Variants in KYNU observed in about 807,000 individuals in gnomAD.
KYNU encodes kynureninase.
KYNU carries 54 observed loss-of-function variants against 59.2 expected under a neutral mutation model. That is an observed-to-expected ratio of 0.91 (90% CI 0.73 to 1.14). The LOEUF is 1.14. Ranked by LOEUF, KYNU falls within the 50% of genes most tolerant of loss-of-function variation. The pLI is 0.00. For synonymous variants in KYNU, 177 were observed against 192.0 expected, an observed-to-expected ratio of 0.92 and a Z score of 0.65; for missense variants, 567 against 554.4, an observed-to-expected ratio of 1.02 and a Z score of -0.23.
rs1261761388 is a variant in KYNU at position 143,007,283 on chromosome 2, G to A, written c.902+21262G>A. 6.7e-5 allele frequency among the ~76,000 whole-genome samples: 10 copies of A among 149,812 alleles called. 1 individual carries two copies. Among genetic ancestry groups the A allele is most frequent in the Non-Finnish European group, 1.0e-4 (7 of 67,946 alleles). On this transcript the variant is annotated intron_variant, in intron 10 of 13. Transcript: ENST00000264170. Reference sequence around the variant, plus strand: ...ATGCAGAAGCCTCAGGAACCGGTGCGATCAACTGGAAGAAAGGGTATCAGC... The same window carrying A: ...ATGCAGAAGCCTCAGGAACCGGTGCAATCAACTGGAAGAAAGGGTATCAGC...
chr2:142,888,110 A>C (rs748841508), intron 2 of KYNU, among the ~76,000 whole-genome samples: 1 of 152,206 alleles, frequency 6.6e-6, no homozygotes, highest in Admixed American at 6.5e-5. Flanking sequence ...TGATTCTTAA[A>C]GATAAGAGAT....
chr2:143,041,421 G>A (rs968342261), intron 13 of KYNU, among the ~76,000 whole-genome samples: 1 of 152,012 alleles, frequency 6.6e-6, no homozygotes, highest in Non-Finnish European at 1.5e-5. Flanking sequence ...CTATTGGCTT[G>A]AAATTTTCAT....
chr2:142,927,773 G>A (rs764818828), intron 4 of KYNU, 32 bp downstream of exon 4: 7 of 1,367,110 alleles, frequency 5.1e-6, no homozygotes, highest in Non-Finnish European at 5.2e-6. Context: ...TTTTCCAAAT[G>A]AATTGTAAAG....
intron 8 of KYNU, among the ~76,000 whole-genome samples, chr2:142,966,761 G>A (rs1456803274): frequency 6.6e-6 from 1 of 152,062 alleles, no homozygotes; most frequent in Non-Finnish European, 1.5e-5. Context: ...TTGTTCTAAA[G>A]AGAATGAAAA....
rs76344846 is a variant in KYNU at position 142,896,720 on chromosome 2, T to C, written c.169+11184T>C. 7.6e-3 allele frequency among the ~76,000 whole-genome samples: 1,159 copies of C among 152,248 alleles called. 7 individuals carry two copies. Among genetic ancestry groups the C allele is most frequent in the African/African-American group, 0.027 (1,110 of 41,542 alleles). On this transcript the variant is annotated intron_variant, in intron 2 of 13. Coordinates refer to ENST00000264170, the MANE Select transcript of KYNU (RefSeq NM_003937.3). ...CAGACTGGTCTTGAACTCCTGACTT[T>C]AAGATATCCTCCCACTTTGACCTCC...
chr2:143,026,749 CGCAG>C (rs749532393), intron 10 of KYNU, among the ~76,000 whole-genome samples: 36,322 of 127,386 alleles, frequency 0.29, 5,316 homozygotes, highest in African/African-American at 0.46. Flanking sequence ...GTCCGCAGTC[CGCAG>C]TCCGCAGTCC....
intron 8 of KYNU, among the ~76,000 whole-genome samples, chr2:142,970,502 G>T (rs945511035): frequency 6.6e-6 from 1 of 152,030 alleles, no homozygotes; most frequent in Non-Finnish European, 1.5e-5. Context: ...ATCTAAATGG[G>T]GCTATCTCCA....
chr2:142,982,610 A>G (rs1239601418), intron 8 of KYNU, among the ~76,000 whole-genome samples: 2 of 151,984 alleles, frequency 1.3e-5, no homozygotes, highest in Non-Finnish European at 2.9e-5. Flanking sequence ...ATCAGAAGAG[A>G]CTCTTAGGGT....
intron 2 of KYNU, among the ~76,000 whole-genome samples, chr2:142,886,093 ACT>A (rs1486651661): frequency 6.6e-6 from 1 of 152,166 alleles, no homozygotes; most frequent in Non-Finnish European, 1.5e-5. Flanking sequence ...TAGTAATCTG[ACT>A]CTGTTCTGGG....
In KYNU at chr2:142,885,527, C is replaced by T; in HGVS notation, c.160C>T (p.Leu54=). The T allele has an allele frequency of 6.2e-7, 1 of 1,613,228 alleles. No homozygotes were observed. The highest frequency in any genetic ancestry group is 8.5e-7 in the Non-Finnish European group (1 of 1,179,728). ...ECFYIPKIQD[L]PPVDLSLVNK... The stretch of plus-strand genomic sequence containing the variant: ...CTTTTATATTCCCAAAATACAGGAT[C>T]TGCCTCCAGGTAAGAATGCTGGGAA... The change falls in exon 2 of 14, where the codon CTG becomes TTG. Residue 54 remains leucine, a synonymous_variant. Coordinates refer to ENST00000264170, the MANE Select transcript of KYNU (RefSeq NM_003937.3).
chr2:142,994,554 C>T (rs140586856), intron 10 of KYNU, among the ~76,000 whole-genome samples: 129 of 152,158 alleles, frequency 8.5e-4, no homozygotes, highest in African/African-American at 3.0e-3. Context: ...GAAGATTTCG[C>T]ACAAGCCATG....
chr2:142,941,707 C>T (rs565517348), intron 4 of KYNU, among the ~76,000 whole-genome samples: 1 of 152,154 alleles, frequency 6.6e-6, no homozygotes, highest in African/African-American at 2.4e-5. Context: ...CCTGAACCCA[C>T]GACCTGACCC....
intron 4 of KYNU, among the ~76,000 whole-genome samples, chr2:142,948,774 CT>C (rs1418182111): frequency 6.6e-6 from 1 of 152,186 alleles, no homozygotes; most frequent in Non-Finnish European, 1.5e-5. Context: ...CCTTTGGCCC[CT>C]CCCAAATCTC....
chr2:143,007,362 G>A (rs1291358334), intron 10 of KYNU, among the ~76,000 whole-genome samples: 1 of 148,252 alleles, frequency 6.7e-6, no homozygotes, highest in Non-Finnish European at 1.5e-5. Flanking sequence ...AGAGAAAAAC[G>A]AATAAAAAGA....
At chr2:143,038,303 T>C (rs1686944045) in intron 12 of KYNU, among the ~76,000 whole-genome samples, 1 of 152,156 alleles carries the variant, frequency 6.6e-6, no homozygotes, top group Admixed American at 6.5e-5. Flanking sequence ...TCACATAGTC[T>C]TTTTATTCCA....
intron 4 of KYNU, among the ~76,000 whole-genome samples, chr2:142,948,622 A>G (rs1683879459): frequency 1.3e-5 from 2 of 151,754 alleles, no homozygotes. Flanking sequence ...ATCAGATCTC[A>G]TGAGACTTAT....
intron 10 of KYNU, among the ~76,000 whole-genome samples, chr2:143,016,519 C>A (rs952846905): frequency 6.6e-6 from 1 of 152,054 alleles, no homozygotes; most frequent in Non-Finnish European, 1.5e-5. Context: ...AGTGAAAATC[C>A]ATTATGATTA....
At chr2:142,888,105 C>T (rs547037247) in intron 2 of KYNU, among the ~76,000 whole-genome samples, 5 of 152,206 alleles carry the variant, frequency 3.3e-5, no homozygotes, top group Admixed American at 2.6e-4. Flanking sequence ...ATTGCTGATT[C>T]TTAAAGATAA....
At chr2:143,027,248 A>C (rs1686602188) in intron 10 of KYNU, among the ~76,000 whole-genome samples, 1 of 152,212 alleles carries the variant, frequency 6.6e-6, no homozygotes, top group Non-Finnish European at 1.5e-5. Flanking sequence ...GACAGAAAAC[A>C]ATGCATATTT....
Sources: allele counts gnomAD v4.1 joint callset (sites outside exome capture counted in the v4.1 genomes callset), GRCh38; gene constraint gnomAD v4.1.1; transcripts MANE v1.5; gene names NCBI Gene and HGNC (gene_info 2026-07-23, HGNC 2026-07-21).